The following SLC10A6 variants were observed in gnomAD, a reference collection of about 807,000 sequenced individuals.
SLC10A6 encodes the protein solute carrier family 10 member 6, also known as sodium-dependent organic anion transporter.
SLC10A6 carries 27 observed loss-of-function variants against 30.0 expected under a neutral mutation model. The ratio of observed to expected loss-of-function variants is 0.90; its 90% CI spans 0.66 to 1.24. The LOEUF (loss-of-function observed/expected upper bound fraction) is 1.24. Among genes scored for constraint, SLC10A6 ranks in the 50% most tolerant of loss-of-function variants. The pLI, the probability that SLC10A6 is intolerant of heterozygous loss-of-function variation, is 0.00. For missense variants in SLC10A6, 439 were observed against 457.0 expected, an observed-to-expected ratio of 0.96 and a Z score of 0.36; for synonymous variants, 166 against 173.8, an observed-to-expected ratio of 0.95 and a Z score of 0.36.
chr4:86,839,273 CAAAAAAAAAA>C (rs60340324), intron 1 of SLC10A6, among the ~76,000 whole-genome samples: 6 of 55,382 alleles, frequency 1.1e-4, no homozygotes, highest in Non-Finnish European at 2.8e-4. Context: ...CTGGTCTCTA[CAAAAAAAAAA>C]AAAAAAAAAG....
At chr4:86,830,530 A>G (rs150914960) in intron 3 of SLC10A6, among the ~76,000 whole-genome samples, 5 of 152,338 alleles carry the variant, frequency 3.3e-5, no homozygotes, top group Non-Finnish European at 7.3e-5. Context: ...ATACAAATGT[A>G]CTATACTAAG....
rs1212639208 is a variant in SLC10A6 at position 86,848,785 on chromosome 4, T to A, written c.331A>T (p.Ile111Phe). 6.2e-7 allele frequency: 1 copy of A among 1,610,734 alleles called. No homozygotes were observed. The highest frequency in any genetic ancestry group is 2.2e-5 in the East Asian group (1 of 44,858). ...LIMGCCPGGT[I>F]SNIFTFWVDG... The stretch of plus-strand genomic sequence containing the variant: ...ACCCAGAAGGTGAAAATGTTAGAGA[T>A]GGTGCCCCCCGGGCAGCAGCCCATG... The change falls in exon 1 of 6, where the codon ATC becomes TTC. Residue 111 changes from isoleucine to phenylalanine, a missense_variant. Transcript: ENST00000273905.
chr4:86,845,904 C>CGGGG (rs1746383870), intron 1 of SLC10A6, among the ~76,000 whole-genome samples: 1 of 152,200 alleles, frequency 6.6e-6, no homozygotes, highest in Non-Finnish European at 1.5e-5. Context: ...CCAATGGATT[C>CGGGG]TGAAATGCCT....
chr4:86,831,277 G>A (rs1183121883), intron 3 of SLC10A6, among the ~76,000 whole-genome samples: 2 of 152,206 alleles, frequency 1.3e-5, no homozygotes, highest in African/African-American at 4.8e-5. Context: ...AGTGCTTCCT[G>A]GATGATTTCA....
chr4:86,837,914 T>C (rs1746228348), intron 1 of SLC10A6, among the ~76,000 whole-genome samples: 1 of 152,204 alleles, frequency 6.6e-6, no homozygotes, highest in Non-Finnish European at 1.5e-5. Flanking sequence ...AGGCCCTTCA[T>C]ACGTCAAGGT....
intron 1 of SLC10A6, among the ~76,000 whole-genome samples, chr4:86,845,147 G>A (rs1419672076): frequency 4.6e-5 from 7 of 152,134 alleles, no homozygotes; most frequent in Admixed American, 2.0e-4. Flanking sequence ...AGCCAAACTC[G>A]GCCCAGAGGC....
chr4:86,839,515 T>G (rs1459136352), intron 1 of SLC10A6, among the ~76,000 whole-genome samples: 8 of 152,276 alleles, frequency 5.3e-5, no homozygotes, highest in Non-Finnish European at 2.9e-5. Flanking sequence ...TTTTTCCCAC[T>G]TCATCTATCA....
intron 1 of SLC10A6, among the ~76,000 whole-genome samples, chr4:86,842,874 C>CTT (rs1170640534): frequency 7.2e-4 from 31 of 42,786 alleles, no homozygotes; most frequent in Admixed American, 1.7e-3. Context: ...TTCTTTCTTT[C>CTT]TTTTTTTTTT....
chr4:86,849,142 C>A lies in SLC10A6; in HGVS notation c.-27G>T. ...TCCTCATCTCCTTAAGGCAGCATTA[C>A]AAATGAACATCGGCAACAATGGCTG... On this transcript the variant is annotated 5_prime_UTR_variant, in exon 1 of 6. Transcript: ENST00000273905. The A allele has an allele frequency of 6.3e-7, 1 of 1,582,182 alleles. No individual in the cohort carries two copies. Among genetic ancestry groups the A allele is most frequent in the Non-Finnish European group, 8.6e-7 (1 of 1,163,530 alleles).
At chr4:86,827,941 AGT>A in intron 4 of SLC10A6, 50 bp downstream of exon 4, 1 of 1,538,172 alleles carries the variant, frequency 6.5e-7, no homozygotes, top group Non-Finnish European at 8.9e-7. Flanking sequence ...TACCAGTGGC[AGT>A]GTGTTAAATT....
chr4:86,841,162 G>T (rs1746282490), intron 1 of SLC10A6, among the ~76,000 whole-genome samples: 1 of 152,118 alleles, frequency 6.6e-6, no homozygotes, highest in African/African-American at 2.4e-5. Context: ...CTACTGAATG[G>T]CTTTGGCTCA....
At chr4:86,833,679 A>T (rs1466896548) in intron 1 of SLC10A6, among the ~76,000 whole-genome samples, 2 of 152,152 alleles carry the variant, frequency 1.3e-5, no homozygotes, top group South Asian at 4.1e-4. Context: ...TCTGCTAGGC[A>T]CTATAGAATT....
intron 1 of SLC10A6, among the ~76,000 whole-genome samples, 197 bp from the exon 2 acceptor site, chr4:86,833,621 A>C (rs1746127058): frequency 6.6e-6 from 1 of 152,164 alleles, no homozygotes; most frequent in Non-Finnish European, 1.5e-5. Flanking sequence ...AGTTCTTGTC[A>C]TCCATCAATT....
intron 4 of SLC10A6, 63 bp downstream of exon 4, chr4:86,827,930 C>G: frequency 6.7e-7 from 1 of 1,493,736 alleles, no homozygotes; most frequent in Admixed American, 1.9e-5. Context: ...GCAGCAAAGC[C>G]TACCAGTGGC....
chr4:86,826,443 G>T (rs1324785116), intron 4 of SLC10A6, among the ~76,000 whole-genome samples: 1 of 151,932 alleles, frequency 6.6e-6, no homozygotes, highest in Non-Finnish European at 1.5e-5. Context: ...GCCTGGCGTG[G>T]TGGCACACGC....
rs1212599605 is a variant in SLC10A6, at chr4:86,828,141, G to A, written c.613C>T (p.Leu205Phe). ...ACACCAGCAACTGCGACCACCAGAA[G>A]GAGGACCCCACCAACAACGGCCCCA... ...KIGAVVGGVL[L>F]LVVAVAGVVL... The change falls in exon 4 of 6, where the codon CTT becomes TTT. Residue 205 changes from leucine to phenylalanine, a missense_variant. By Grantham distance (22) the Leu-to-Phe change is conservative (BLOSUM62 0). Transcript: ENST00000273905. 11 of 1,613,248 alleles carry A rather than the reference G, an allele frequency of 6.8e-6. No homozygotes were observed. The highest frequency in any genetic ancestry group is 7.6e-6 in the Non-Finnish European group (9 of 1,179,672).
chr4:86,834,172 T>C (rs1297166345), intron 1 of SLC10A6, among the ~76,000 whole-genome samples: 1 of 152,164 alleles, frequency 6.6e-6, no homozygotes, highest in Non-Finnish European at 1.5e-5. Context: ...CACTGAGTTC[T>C]CACTCAGTTC....
At chr4:86,830,005 G>A (rs1746053364) in intron 3 of SLC10A6, among the ~76,000 whole-genome samples, 1 of 152,172 alleles carries the variant, frequency 6.6e-6, no homozygotes, top group South Asian at 2.1e-4. Flanking sequence ...TACTTGAAAA[G>A]CAAGAAGTTT....
At chr4:86,843,644 A>G (rs2149413871) in intron 1 of SLC10A6, among the ~76,000 whole-genome samples, 1 of 152,352 alleles carries the variant, frequency 6.6e-6, no homozygotes, top group East Asian at 1.9e-4. Flanking sequence ...ATGAATAGAT[A>G]AAACATGACA....
Sources: allele counts gnomAD v4.1 joint callset (sites outside exome capture counted in the v4.1 genomes callset), GRCh38; gene constraint gnomAD v4.1.1; transcripts MANE v1.5; gene names NCBI Gene and HGNC (gene_info 2026-07-23, HGNC 2026-07-21).